The following TMEM116 variants were observed in gnomAD, a reference collection of about 807,000 sequenced individuals.
TMEM116 encodes the protein transmembrane protein 116.
A neutral mutation model predicts 44.3 loss-of-function variants in TMEM116; 38 were observed. That is an observed-to-expected ratio of 0.86 (90% CI 0.66 to 1.12). The LOEUF is 1.12. TMEM116 is among the 50% of genes most tolerant of loss of function. TMEM116 has a pLI of 0.00. For synonymous variants in TMEM116, 132 were observed against 144.8 expected, an observed-to-expected ratio of 0.91 and a Z score of 0.64; for missense variants, 354 against 401.7, an observed-to-expected ratio of 0.88 and a Z score of 1.01.
intron 1 of TMEM116, chr12:112,006,009 C>G (rs1338072762): frequency 1.0e-6 from 1 of 985,568 alleles, no homozygotes; most frequent in Non-Finnish European, 1.2e-6. Flanking sequence ...GGACTTCAGT[C>G]CCAGCTACCC....
At chr12:111,932,866 T>C in intron 9 of TMEM116, 1 of 577,474 alleles carries the variant, frequency 1.7e-6, no homozygotes, top group Non-Finnish European at 3.1e-6. Flanking sequence ...ATTAGTGTAG[T>C]AATGGTAGCA....
At chr12:112,004,916 T>C (rs907927753) in intron 2 of TMEM116, among the ~76,000 whole-genome samples, 1 of 152,160 alleles carries the variant, frequency 6.6e-6, no homozygotes. Flanking sequence ...TCCCAAAGTG[T>C]TGGGATTACA....
At chr12:111,967,503 A>G (rs539840901) in intron 4 of TMEM116, among the ~76,000 whole-genome samples, 23 of 152,040 alleles carry the variant, frequency 1.5e-4, no homozygotes, top group African/African-American at 5.5e-4. Context: ...TCTAAAGAAT[A>G]ATTTAGATAT....
rs16941775 is a variant in TMEM116, at chr12:111,931,530, T to C, written c.*91A>G. Reference sequence around the variant, plus strand: ...TGAGTTCTGCAGTTTAGGGCATAGTTAGAAAAGATTTAAGATGTCCTTTCC... The same window carrying C: ...TGAGTTCTGCAGTTTAGGGCATAGTCAGAAAAGATTTAAGATGTCCTTTCC... On this transcript the variant is annotated 3_prime_UTR_variant, in exon 11 of 11. Transcript: ENST00000552374. The C allele has an allele frequency of 2.0e-3, 2,592 of 1,292,792 alleles. 45 individuals are homozygous for C. In the African/African-American group the frequency reaches 0.034, roughly 17 times the overall value. The allele number at this position is 1,292,792 out of a possible 1,614,324, so 80.1% of individuals were successfully genotyped here. A position where few individuals can be genotyped will look rare whatever the true frequency, so the allele number is the denominator to read the frequency against.
chr12:111,975,059 A>C (rs1189686074), intron 4 of TMEM116, among the ~76,000 whole-genome samples: 1 of 152,248 alleles, frequency 6.6e-6, no homozygotes, highest in Admixed American at 6.5e-5. Context: ...TAAATATTGT[A>C]AAGATGTCAC....
At chr12:111,938,601 AC>A (rs2072381056) in intron 5 of TMEM116, among the ~76,000 whole-genome samples, 1 of 152,188 alleles carries the variant, frequency 6.6e-6, no homozygotes, top group Non-Finnish European at 1.5e-5. Context: ...AGATGTGTGG[AC>A]TTCTTCAGAC....
Position 111,932,759 on chromosome 12 carries a change from GGCATAA to G in TMEM116, c.734-106_734-101del, listed in dbSNP as rs1275588665. 4 of 922,004 alleles carry G rather than the reference GGCATAA, an allele frequency of 4.3e-6. No homozygotes were observed. In the African/African-American group the frequency reaches 6.6e-5, roughly 15 times the overall value. The allele number at this position is 922,004 out of a possible 1,614,324, so 57.1% of individuals were successfully genotyped here. A position where few individuals can be genotyped will look rare whatever the true frequency, so the allele number is the denominator to read the frequency against. The stretch of plus-strand genomic sequence containing the variant: ...GAGCATTATCAGAATGGAAACAATA[GGCATAA>G]TAAAATCCATCAGTGACGTTAACTT... On this transcript the variant is annotated intron_variant, in intron 9 of 10. Coordinates refer to ENST00000552374, the MANE Select transcript of TMEM116 (RefSeq NM_001193531.2).
intron 4 of TMEM116, among the ~76,000 whole-genome samples, chr12:111,943,733 C>T (rs1450610605): frequency 6.6e-6 from 1 of 152,092 alleles, no homozygotes; most frequent in African/African-American, 2.4e-5. Flanking sequence ...GATCGGGTTT[C>T]ACCATGTTGG....
intron 4 of TMEM116, among the ~76,000 whole-genome samples, chr12:111,945,223 A>G (rs924017652): frequency 6.6e-6 from 1 of 151,398 alleles, no homozygotes; most frequent in African/African-American, 2.4e-5. Context: ...GTGTGCCTGT[A>G]GTCCCAGCTA....
At chr12:111,933,809 T>C (rs2071874963) in intron 9 of TMEM116, 77 bp downstream of exon 9, 1 of 1,575,042 alleles carries the variant, frequency 6.3e-7, no homozygotes, top group Non-Finnish European at 8.6e-7. Flanking sequence ...GCCATCCTTC[T>C]TAGTGAGACC....
intron 1 of TMEM116, among the ~76,000 whole-genome samples, chr12:112,009,958 T>C (rs146030004): frequency 1.4e-4 from 22 of 152,318 alleles, no homozygotes; most frequent in African/African-American, 5.3e-4. Context: ...GAGAAGTGAA[T>C]AATTTTAGAA....
intron 4 of TMEM116, among the ~76,000 whole-genome samples, chr12:111,976,591 G>A (rs1046305599): frequency 3.3e-5 from 5 of 152,074 alleles, no homozygotes; most frequent in African/African-American, 1.2e-4. Flanking sequence ...TACAGGGCAC[G>A]TAAAGGCAAG....
chr12:111,958,574 C>T (rs1159906861), intron 4 of TMEM116, among the ~76,000 whole-genome samples: 1 of 152,032 alleles, frequency 6.6e-6, no homozygotes, highest in Non-Finnish European at 1.5e-5. Flanking sequence ...CATTCTAACC[C>T]AATGCAAGGA....
At chr12:111,988,347 A>T (rs533359820) in intron 4 of TMEM116, among the ~76,000 whole-genome samples, 4 of 152,316 alleles carry the variant, frequency 2.6e-5, no homozygotes, top group African/African-American at 7.2e-5. Flanking sequence ...ATACTTAAAA[A>T]TTTTTTAATA....
chr12:111,943,137 T>G, intron 5 of TMEM116, 128 bp downstream of exon 5: 1 of 734,304 alleles, frequency 1.4e-6, no homozygotes, highest in South Asian at 1.7e-5. Context: ...TTGCCCAGAC[T>G]GGCCTCGAAT....
chr12:111,998,738 T>C (rs1314009550), intron 3 of TMEM116, among the ~76,000 whole-genome samples: 1 of 152,036 alleles, frequency 6.6e-6, no homozygotes, highest in Non-Finnish European at 1.5e-5. Flanking sequence ...GAAGAATCAC[T>C]TGAATCCAGG....
chr12:111,999,325 C>A (rs2077109777), intron 3 of TMEM116, among the ~76,000 whole-genome samples: 2 of 152,042 alleles, frequency 1.3e-5, no homozygotes, highest in Admixed American at 1.3e-4. Context: ...TGGCCGGGCG[C>A]GGTGACTCAC....
chr12:112,006,359 A>G (rs1481767761), intron 1 of TMEM116, among the ~76,000 whole-genome samples: 4 of 152,220 alleles, frequency 2.6e-5, no homozygotes, highest in Non-Finnish European at 5.9e-5. Flanking sequence ...TGGAACTAAA[A>G]AAAGGGGTGG....
chr12:111,973,229 A>G (rs1236995150), intron 4 of TMEM116, among the ~76,000 whole-genome samples: 1 of 152,254 alleles, frequency 6.6e-6, no homozygotes, highest in Non-Finnish European at 1.5e-5. Context: ...CAATAACAGC[A>G]TGATCCACAG....
Sources: gnomAD v4.1 joint callset for allele counts (sites outside exome capture counted in the v4.1 genomes callset) on GRCh38, gnomAD v4.1.1 for gene constraint, MANE v1.5 for transcripts, NCBI Gene and HGNC (gene_info 2026-07-23, HGNC 2026-07-21) for gene names.